Variants in HECW2 observed in about 807,000 individuals in gnomAD.
HECW2 encodes E3 ubiquitin-protein ligase HECW2.
HECW2 carries 61 observed loss-of-function variants against 175.2 expected under a neutral mutation model. That is an observed-to-expected ratio of 0.35 (90% CI 0.28 to 0.43). The LOEUF (loss-of-function observed/expected upper bound fraction) is 0.43, where lower values mean the gene tolerates loss of function less well. Ranked by LOEUF, HECW2 falls within the 20% of genes least tolerant of loss-of-function variation. HECW2 has a pLI of 1.00. For synonymous variants in HECW2, 671 were observed against 731.0 expected (o/e 0.92, Z 1.32); for missense variants, 1,524 against 2,000.5 (o/e 0.76, Z 4.54).
At chr2:196,575,701 T>C (rs1690536914) in intron 1 of HECW2, among the ~76,000 whole-genome samples, 1 of 152,186 alleles carries the variant, frequency 6.6e-6, no homozygotes, top group Non-Finnish European at 1.5e-5. Context: ...AATAAGTTTA[T>C]TTAGCTCATG....
chr2:196,571,037 A>T (rs1210849219), intron 1 of HECW2, among the ~76,000 whole-genome samples: 1 of 152,208 alleles, frequency 6.6e-6, no homozygotes, highest in Non-Finnish European at 1.5e-5. Context: ...TTTCCCCAAT[A>T]ACCTACTAAT....
intron 1 of HECW2, among the ~76,000 whole-genome samples, chr2:196,533,445 C>T (rs137943126): frequency 2.1e-4 from 32 of 152,220 alleles, no homozygotes; most frequent in African/African-American, 6.7e-4. Flanking sequence ...ATCACAACAG[C>T]CAAGAGACTA....
chr2:196,408,591 T>C (rs942572896), intron 2 of HECW2, among the ~76,000 whole-genome samples: 10 of 152,126 alleles, frequency 6.6e-5, no homozygotes, highest in Non-Finnish European at 1.3e-4. Flanking sequence ...ACTAGATAAA[T>C]GGGAAATTCT....
intron 2 of HECW2, among the ~76,000 whole-genome samples, chr2:196,417,495 G>A (rs549589202): frequency 4.6e-5 from 7 of 152,268 alleles, no homozygotes; most frequent in Middle Eastern, 3.4e-3. Flanking sequence ...GCCCAAGCTG[G>A]ACTCAAACTT....
At chr2:196,534,552 T>G (rs1688954294) in intron 1 of HECW2, among the ~76,000 whole-genome samples, 2 of 152,208 alleles carry the variant, frequency 1.3e-5, no homozygotes, top group Non-Finnish European at 2.9e-5. Flanking sequence ...TGAATCTTCT[T>G]CTAGTCTCTG....
intron 13 of HECW2, among the ~76,000 whole-genome samples, chr2:196,295,999 T>G (rs1437604098): frequency 1.3e-5 from 2 of 152,180 alleles, no homozygotes; most frequent in Non-Finnish European, 2.9e-5. Flanking sequence ...GTCTGAATAG[T>G]AAGTACATGA....
At chr2:196,299,949 G>A (rs11888856) in intron 13 of HECW2, among the ~76,000 whole-genome samples, 31,782 of 151,346 alleles carry the variant, frequency 0.21, 3,610 homozygotes, top group Middle Eastern at 0.28. Flanking sequence ...AAAAATTCCC[G>A]CAGCCTTATA....
rs377168483 is a variant in HECW2, at chr2:196,328,094, A to G, written c.571+1481T>C. ...TTTTTTACCTGTAAATTAAAAAAAC[A>G]AAAACAAGAAACCCATGGTGTGGTC... On this transcript the variant is annotated intron_variant, in intron 5 of 28. Transcript: ENST00000644978. Among the ~76,000 whole-genome samples, 37 of 152,286 alleles carry G rather than the reference A, an allele frequency of 2.4e-4. No homozygotes were observed. The East Asian group carries it at 4.6e-3, about 19-fold the overall frequency.
At chr2:196,397,058 G>A (rs1441583544) in intron 2 of HECW2, among the ~76,000 whole-genome samples, 2 of 152,146 alleles carry the variant, frequency 1.3e-5, no homozygotes, top group African/African-American at 2.4e-5. Flanking sequence ...CTTGCAGTGA[G>A]CCGAGATGGC....
chr2:196,559,513 G>T (rs1025909382), intron 1 of HECW2, among the ~76,000 whole-genome samples: 2 of 152,188 alleles, frequency 1.3e-5, no homozygotes, highest in African/African-American at 4.8e-5. Context: ...GTTGATTACT[G>T]CTCATAGGGT....
intron 1 of HECW2, among the ~76,000 whole-genome samples, chr2:196,586,031 C>A (rs1330165360): frequency 6.6e-6 from 1 of 152,126 alleles, no homozygotes; most frequent in Non-Finnish European, 1.5e-5. Context: ...CTCTCAAATA[C>A]CAAATATACA....
chr2:196,394,164 G>C (rs934493999), intron 2 of HECW2, among the ~76,000 whole-genome samples: 15 of 151,648 alleles, frequency 9.9e-5, no homozygotes, highest in African/African-American at 1.7e-4. Context: ...AGGGGGGAGA[G>C]GGGGGAGGGA....
At chr2:196,522,518 A>G (rs948229485) in intron 1 of HECW2, among the ~76,000 whole-genome samples, 2 of 151,566 alleles carry the variant, frequency 1.3e-5, no homozygotes, top group African/African-American at 4.8e-5. Flanking sequence ...TTTTGTTGCC[A>G]TTGCTTTTGG....
At chr2:196,348,384 T>G (rs1693040204) in intron 2 of HECW2, among the ~76,000 whole-genome samples, 2 of 152,166 alleles carry the variant, frequency 1.3e-5, no homozygotes, top group African/African-American at 4.8e-5. Flanking sequence ...GGGTCATGCC[T>G]GTCATCCTAA....
intron 2 of HECW2, among the ~76,000 whole-genome samples, chr2:196,392,787 C>T (rs1207236650): frequency 1.3e-5 from 2 of 151,978 alleles, no homozygotes; most frequent in Non-Finnish European, 2.9e-5. Context: ...AAAAGATTTT[C>T]GTATTGGAAA....
Position 196,565,073 on chromosome 2 carries a change from C to G in HECW2, c.-36+28435G>C, listed in dbSNP as rs1690134909. On this transcript the variant is annotated intron_variant, in intron 1 of 28. Coordinates refer to ENST00000644978, the MANE Select transcript of HECW2 (RefSeq NM_001348768.2). ...ACCTTTTGGTAAAATTCACCACTCTCTTTTGCCCAATGCTCCCCACTAACT... is the reference window on the plus strand; with the variant it reads ...ACCTTTTGGTAAAATTCACCACTCTGTTTTGCCCAATGCTCCCCACTAACT... Among the ~76,000 whole-genome samples, 3 of 151,828 alleles carry G rather than the reference C, an allele frequency of 2.0e-5. No individual in the cohort carries two copies. In the South Asian group the frequency reaches 6.2e-4, roughly 32 times the overall value.
At chr2:196,361,061 A>G (rs1043378564) in intron 2 of HECW2, among the ~76,000 whole-genome samples, 1 of 152,246 alleles carries the variant, frequency 6.6e-6, no homozygotes, top group Non-Finnish European at 1.5e-5. Context: ...ACTGGCATTT[A>G]ATAGCCAAAA....
At chr2:196,382,096 T>C (rs528560546) in intron 2 of HECW2, among the ~76,000 whole-genome samples, 118 of 152,250 alleles carry the variant, frequency 7.8e-4, no homozygotes, top group African/African-American at 2.2e-3. Context: ...TGAAACAAAG[T>C]GTAGAATAGT....
At chr2:196,418,834 G>C (rs1248714063) in intron 2 of HECW2, among the ~76,000 whole-genome samples, 1 of 152,160 alleles carries the variant, frequency 6.6e-6, no homozygotes, top group African/African-American at 2.4e-5. Flanking sequence ...CCTGAATATA[G>C]AGGATATTTA....
Sources: gnomAD v4.1 joint callset for allele counts (sites outside exome capture counted in the v4.1 genomes callset) on GRCh38, gnomAD v4.1.1 for gene constraint, MANE v1.5 for transcripts, NCBI Gene and HGNC (gene_info 2026-07-23, HGNC 2026-07-21) for gene names.